Variants in COA1 observed in about 807,000 individuals in gnomAD.
COA1 encodes the protein cytochrome c oxidase assembly factor 1.
In COA1, 13 loss-of-function variants were observed where a neutral mutation model predicts 16.0. The ratio of observed to expected loss-of-function variants is 0.81; its 90% CI spans 0.53 to 1.29. The LOEUF (loss-of-function observed/expected upper bound fraction) is 1.29, where lower values mean the gene tolerates loss of function less well. Ranked by LOEUF, COA1 falls within the 50% of genes most tolerant of loss-of-function variation. The pLI is 0.00. For synonymous variants in COA1, 65 were observed against 65.7 expected (o/e 0.99, Z 0.05); for missense variants, 179 against 177.0 (o/e 1.01, Z -0.06).
At chr7:43,660,273 A>C (rs1223099311) in intron 1 of COA1, among the ~76,000 whole-genome samples, 1 of 152,038 alleles carries the variant, frequency 6.6e-6, no homozygotes, top group Admixed American at 6.5e-5. Context: ...TCCCTTCTGC[A>C]CTTGAAATTC....
Position 43,691,277 on chromosome 7 carries a change from G to GAAAAGAAAAGA in COA1, c.-39+38151_-39+38152insTCTTTTCTTTT, listed in dbSNP as rs1271233453. The stretch of plus-strand genomic sequence containing the variant: ...AAAAGAAAGAAAGAAAAGAAAGAAA[G>GAAAAGAAAAGA]AAAGAAAGAAAGAAAGAAAGAAAGA... On this transcript the variant is annotated intron_variant, in intron 1 of 5. Transcript: ENST00000223336. Among the ~76,000 whole-genome samples, 96 of 29,402 alleles carry GAAAAGAAAAGA rather than the reference G, an allele frequency of 3.3e-3. 1 individual carries two copies. Among genetic ancestry groups the GAAAAGAAAAGA allele is most frequent in the Admixed American group, 5.9e-3 (14 of 2,378 alleles). The allele number at this position is 29,402 out of a possible 152,430, so 19.3% of individuals were successfully genotyped here. A position where few individuals can be genotyped will look rare whatever the true frequency, so the allele number is the denominator to read the frequency against.
intron 1 of COA1, among the ~76,000 whole-genome samples, chr7:43,691,070 A>C (rs1183474238): frequency 2.9e-5 from 4 of 136,982 alleles, no homozygotes; most frequent in South Asian, 2.4e-4. Context: ...AAAAAAAAAA[A>C]AAAAAAACAA....
At chr7:43,714,582 T>C (rs1008964965) in intron 1 of COA1, among the ~76,000 whole-genome samples, 1 of 150,616 alleles carries the variant, frequency 6.6e-6, no homozygotes, top group African/African-American at 2.4e-5. Context: ...TGAGCTGAGA[T>C]AGTGCCATTG....
At chr7:43,721,292 CTTAA>C (rs1393843138) in intron 1 of COA1, among the ~76,000 whole-genome samples, 4 of 152,320 alleles carry the variant, frequency 2.6e-5, no homozygotes, top group Middle Eastern at 3.4e-3. Flanking sequence ...AATGTCAGTT[CTTAA>C]TTAACCATCT....
chr7:43,699,027 G>C (rs751551609), intron 1 of COA1, among the ~76,000 whole-genome samples: 15 of 152,122 alleles, frequency 9.9e-5, no homozygotes, highest in Non-Finnish European at 2.1e-4. Flanking sequence ...CTTTATTTTA[G>C]CACTGAAGTG....
At chr7:43,634,136 G>T (rs1214051437) in intron 6 of COA1, among the ~76,000 whole-genome samples, 2 of 151,514 alleles carry the variant, frequency 1.3e-5, no homozygotes, top group African/African-American at 4.9e-5. Context: ...TTAAATGATG[G>T]CTGCTTCAAA....
chr7:43,697,998 A>G (rs1213580267), intron 1 of COA1, among the ~76,000 whole-genome samples: 1 of 152,222 alleles, frequency 6.6e-6, no homozygotes, highest in Non-Finnish European at 1.5e-5. Flanking sequence ...ACAGCAAGAG[A>G]AGGATAATCT....
At chr7:43,661,154 T>C (rs916839984) in intron 1 of COA1, among the ~76,000 whole-genome samples, 1 of 152,254 alleles carries the variant, frequency 6.6e-6, no homozygotes, top group African/African-American at 2.4e-5. Context: ...ATAGTTACTT[T>C]AGTATGCTAT....
intron 1 of COA1, among the ~76,000 whole-genome samples, chr7:43,680,569 T>G (rs2093722754): frequency 6.6e-6 from 1 of 152,202 alleles, no homozygotes; most frequent in Admixed American, 6.5e-5. Flanking sequence ...TTTCCCTTTA[T>G]CTCCAAAAAT....
intron 6 of COA1, among the ~76,000 whole-genome samples, chr7:43,612,023 T>C (rs934128729): frequency 2.6e-5 from 4 of 152,352 alleles, no homozygotes; most frequent in African/African-American, 9.6e-5. Flanking sequence ...TTTAAGTGTG[T>C]ATTTACACAA....
intron 1 of COA1, among the ~76,000 whole-genome samples, chr7:43,689,527 A>G (rs1232896584): frequency 6.6e-6 from 1 of 152,174 alleles, no homozygotes; most frequent in Non-Finnish European, 1.5e-5. Context: ...AGCCACAAAT[A>G]CCTTCAAAAA....
chr7:43,665,494 A>G (rs1279148629), intron 1 of COA1, among the ~76,000 whole-genome samples: 2 of 152,238 alleles, frequency 1.3e-5, no homozygotes, highest in Admixed American at 6.5e-5. Flanking sequence ...TTTTCAGGAA[A>G]AAGTACAAAA....
At chr7:43,608,944 G>A (rs2082655091) in exon 7 of COA1, 1 of 152,184 alleles carries the variant, frequency 6.6e-6, no homozygotes, top group Non-Finnish European at 1.5e-5. Flanking sequence ...ATTAGAGGCA[G>A]GTAGATTTCT....
intron 6 of COA1, among the ~76,000 whole-genome samples, chr7:43,630,744 T>C (rs1011791514): frequency 6.6e-6 from 1 of 152,238 alleles, no homozygotes; most frequent in Non-Finnish European, 1.5e-5. Flanking sequence ...GAAATTGATA[T>C]TTGCACAATG....
chr7:43,709,689 A>AT (rs965534038), intron 1 of COA1, among the ~76,000 whole-genome samples: 1 of 151,832 alleles, frequency 6.6e-6, no homozygotes, highest in Non-Finnish European at 1.5e-5. Flanking sequence ...ATCCAGTTTT[A>AT]TTTTTTTTAA....
In COA1 at chr7:43,645,409, A is replaced by G; in HGVS notation, c.116-10T>C. On this transcript the variant is annotated splice_polypyrimidine_tract_variant and intron_variant, in intron 3 of 5. Transcript: ENST00000223336. ...GCCCTGGAATGAAACTCTAAGGACG[A>G]AAGACACACTTATTTTCTTTATTGA... The G allele has an allele frequency of 6.2e-7, 1 of 1,613,512 alleles. No individual in the cohort carries two copies. The highest frequency in any genetic ancestry group is 2.2e-5 in the East Asian group (1 of 44,884).
At chr7:43,720,963 T>G (rs2095495135) in intron 1 of COA1, among the ~76,000 whole-genome samples, 1 of 152,240 alleles carries the variant, frequency 6.6e-6, no homozygotes, top group Non-Finnish European at 1.5e-5. Context: ...CTTCCATGGC[T>G]GCTCCATTTA....
chr7:43,678,146 C>G (rs990796086), intron 1 of COA1, among the ~76,000 whole-genome samples: 4 of 152,110 alleles, frequency 2.6e-5, no homozygotes, highest in African/African-American at 4.8e-5. Flanking sequence ...TTGAAAACAA[C>G]TTAGTAATTT....
At chr7:43,691,421 A>AGGAAGGAAG (rs1554542662) in intron 1 of COA1, among the ~76,000 whole-genome samples, 42 of 87,410 alleles carry the variant, frequency 4.8e-4, no homozygotes, top group East Asian at 1.7e-3. Context: ...GGAAGAAAGA[A>AGGAAGGAAG]AAAGAAAGAA....
Sources: gnomAD v4.1 joint callset for allele counts (sites outside exome capture counted in the v4.1 genomes callset) on GRCh38, gnomAD v4.1.1 for gene constraint, MANE v1.5 for transcripts, NCBI Gene and HGNC (gene_info 2026-07-23, HGNC 2026-07-21) for gene names.